The following GABRR1 variants were observed in gnomAD, a reference collection of about 807,000 sequenced individuals.
GABRR1 encodes the protein gamma-aminobutyric acid receptor subunit rho-1.
A neutral mutation model predicts 55.5 loss-of-function variants in GABRR1; 59 were observed. The observed-to-expected ratio is 1.06, with a 90% CI of 0.86 to 1.32. The LOEUF (loss-of-function observed/expected upper bound fraction) is 1.32. Ranked by LOEUF, GABRR1 falls within the 40% of genes most tolerant of loss-of-function variation. GABRR1 has a pLI of 0.00. For synonymous variants in GABRR1, 213 were observed against 226.0 expected (o/e 0.94, Z 0.51); for missense variants, 602 against 619.1 (o/e 0.97, Z 0.29).
In GABRR1 at chr6:89,217,252, CT is replaced by C; in HGVS notation, c.70del (p.Ser24AlafsTer38). 2 of 1,614,066 alleles carry C rather than the reference CT, an allele frequency of 1.2e-6. No homozygotes were observed. Among genetic ancestry groups the C allele is most frequent in the Non-Finnish European group, 8.5e-7 (1 of 1,179,966 alleles). ...LWWGWVLATE[S>X]RMHWPGREVH... ...TTCTCTTCCGGGCCAGTGCATTCTG[CT>C]TTCAGTGGCCAAAACCCATCCCCAC... On this transcript the variant is annotated frameshift_variant, in exon 1 of 10. Coordinates refer to ENST00000454853, the MANE Select transcript of GABRR1 (RefSeq NM_002042.5). LOFTEE classifies it high-confidence loss of function.
At position 89,178,190 on chromosome 6, in the gene GABRR1, C is replaced by G. The variant is rs963358234; in HGVS notation, c.*580G>C. 1 of 153,712 alleles carries G rather than the reference C, an allele frequency of 6.5e-6. No homozygotes were observed. The highest frequency in any genetic ancestry group is 1.4e-5 in the Non-Finnish European group (1 of 69,112). The allele number at this position is 153,712 out of a possible 1,614,324, so 9.5% of individuals were successfully genotyped here. A position where few individuals can be genotyped will look rare whatever the true frequency, so the allele number is the denominator to read the frequency against. On this transcript the variant is annotated 3_prime_UTR_variant, in exon 10 of 10. Coordinates refer to ENST00000454853, the MANE Select transcript of GABRR1 (RefSeq NM_002042.5). Reference sequence around the variant, plus strand: ...GAGCTTTTCTTGTGAAGGGGTAAAGCCTGTGAACCACAGCATATAAAGAAA... The same window carrying G: ...GAGCTTTTCTTGTGAAGGGGTAAAGGCTGTGAACCACAGCATATAAAGAAA...
intron 1 of GABRR1, among the ~76,000 whole-genome samples, chr6:89,205,123 T>C (rs907457677): frequency 6.6e-6 from 1 of 152,148 alleles, no homozygotes; most frequent in Non-Finnish European, 1.5e-5. Context: ...AAAACAACCC[T>C]ATGAAGTAGG....
intron 1 of GABRR1, among the ~76,000 whole-genome samples, chr6:89,214,644 GA>G (rs1183016880): frequency 6.6e-6 from 1 of 152,080 alleles, no homozygotes; most frequent in Non-Finnish European, 1.5e-5. Flanking sequence ...ACAGATATAC[GA>G]AAAAATGCTC....
chr6:89,193,135 G>T (rs183574071), intron 5 of GABRR1, among the ~76,000 whole-genome samples: 4 of 152,318 alleles, frequency 2.6e-5, no homozygotes, highest in South Asian at 2.1e-4. Flanking sequence ...TCCTAGGAAG[G>T]ACAGTGACCT....
chr6:89,193,609 G>C (rs1183936594), intron 5 of GABRR1, among the ~76,000 whole-genome samples: 2 of 152,142 alleles, frequency 1.3e-5, no homozygotes, highest in Non-Finnish European at 2.9e-5. Context: ...TTCGGGAGCT[G>C]ATTGCTAGAT....
intron 1 of GABRR1, among the ~76,000 whole-genome samples, chr6:89,214,002 G>T (rs1026794149): frequency 1.3e-4 from 8 of 63,856 alleles, no homozygotes; most frequent in African/African-American, 5.0e-4. Flanking sequence ...TCTTGGTGAA[G>T]TCTTTAGGGT....
chr6:89,204,077 T>G (rs1025645085), intron 1 of GABRR1, among the ~76,000 whole-genome samples: 1 of 152,224 alleles, frequency 6.6e-6, no homozygotes, highest in Non-Finnish European at 1.5e-5. Flanking sequence ...ATATTTCCCC[T>G]TCTAGTCGAG....
chr6:89,184,247 CAAAAAA>C (rs1164564083), intron 7 of GABRR1, among the ~76,000 whole-genome samples: 1 of 57,140 alleles, frequency 1.8e-5, no homozygotes. Flanking sequence ...GACTCCGTCT[CAAAAAA>C]AAAAAAAAAA....
rs150775662 is a variant in GABRR1 at position 89,198,141 on chromosome 6, T to G, written c.451A>C (p.Lys151Gln). 673 of 1,613,982 alleles carry G rather than the reference T, an allele frequency of 4.2e-4. No individual in the cohort carries two copies. Among genetic ancestry groups the G allele is most frequent in the Non-Finnish European group, 5.3e-4 (626 of 1,180,024 alleles). The change falls in exon 5 of 10, where the codon AAG becomes CAG. Residue 151 changes from lysine to glutamine, a missense_variant. Lys to Gln is a moderately conservative substitution (Grantham distance 53). This residue lies in a region of GABRR1 where 435 missense variants were observed against 424.2 expected (regional missense o/e 1.03). Coordinates refer to ENST00000454853, the MANE Select transcript of GABRR1 (RefSeq NM_002042.5). Reference protein sequence around the residue: ...LSMTFDGRLVKKIWVPDMFFV... With the variant: ...LSMTFDGRLVQKIWVPDMFFV... ...AACATGTCAGGGACCCAGATCTTCTTGACCAGCCGGCCGTCAAACGTCATG... is the reference window on the plus strand; with the variant it reads ...AACATGTCAGGGACCCAGATCTTCTGGACCAGCCGGCCGTCAAACGTCATG...
Position 89,178,705 on chromosome 6 carries a change from T to C in GABRR1, c.*65A>G. 1.4e-6 allele frequency: 2 copies of C among 1,411,698 alleles called. No homozygotes were observed. The highest frequency in any genetic ancestry group is 4.6e-5 in the East Asian group (2 of 43,650). 87.4% of individuals were successfully genotyped at this position (1,411,698 alleles called of 1,614,324 possible). ...TTTTAACCATATCCTTAAATACTTT[T>C]TCATTATACAGTTATTTCTGTAGTG... On this transcript the variant is annotated 3_prime_UTR_variant, in exon 10 of 10. Coordinates refer to ENST00000454853, the MANE Select transcript of GABRR1 (RefSeq NM_002042.5).
chr6:89,204,863 C>T (rs1772594932), intron 1 of GABRR1, among the ~76,000 whole-genome samples: 1 of 152,068 alleles, frequency 6.6e-6, no homozygotes, highest in South Asian at 2.1e-4. Flanking sequence ...TGCCATTCTG[C>T]ATCTGTATTT....
At chr6:89,187,072 AG>A (rs1332771142) in intron 6 of GABRR1, among the ~76,000 whole-genome samples, 2 of 152,118 alleles carry the variant, frequency 1.3e-5, no homozygotes, top group Non-Finnish European at 2.9e-5. Flanking sequence ...TAGGAGTCAC[AG>A]GGGTGTCCAC....
At chr6:89,188,091 A>ACTGCAGC (rs1383048394) in intron 6 of GABRR1, among the ~76,000 whole-genome samples, 1 of 151,366 alleles carries the variant, frequency 6.6e-6, no homozygotes, top group Admixed American at 6.6e-5. Flanking sequence ...ATCATAGCTC[A>ACTGCAGC]CTGCAGCCTG....
At chr6:89,211,764 T>G in intron 1 of GABRR1, among the ~76,000 whole-genome samples, 1 of 152,142 alleles carries the variant, frequency 6.6e-6, no homozygotes, top group South Asian at 2.1e-4. Flanking sequence ...GTTGAAAAAA[T>G]GGGCCTCTTA....
In GABRR1 at chr6:89,178,089, G is replaced by A. The variant is rs905510393; in HGVS notation, c.*681C>T. ...CTATGACACAACAGACAAAATGCATGTGTGTACTCTTATCTTCAAAGTTTC... is the reference window on the plus strand; with the variant it reads ...CTATGACACAACAGACAAAATGCATATGTGTACTCTTATCTTCAAAGTTTC... On this transcript the variant is annotated 3_prime_UTR_variant, in exon 10 of 10. Transcript: ENST00000454853. 6.6e-6 allele frequency: 1 copy of A among 152,406 alleles called. No homozygotes were observed. Among genetic ancestry groups the A allele is most frequent in the Non-Finnish European group, 1.5e-5 (1 of 68,162 alleles). The allele number at this position is 152,406 out of a possible 1,614,324, so 9.4% of individuals were successfully genotyped here.
rs1385094706 is a variant in GABRR1, at chr6:89,203,482, G to C, written c.126C>G (p.Pro42=). The C allele has an allele frequency of 2.5e-6, 4 of 1,611,476 alleles. No individual in the cohort carries two copies. Among genetic ancestry groups the C allele is most frequent in the Non-Finnish European group, 3.4e-6 (4 of 1,177,698 alleles). ...EVHEMSKKGR[P]QRQRREVHED... ...CATGTACTTCTCGTCTTTGTCTTTG[G>C]GGCCTACCATGAACATTAAAAATAA... is the stretch of plus-strand genomic sequence containing the variant. Residue 42 remains proline, a synonymous_variant, in exon 2 of 10, where the codon CCC becomes CCG. Transcript: ENST00000454853.
chr6:89,230,847 C>T (rs1265043521), intron 1 of GABRR1, among the ~76,000 whole-genome samples: 16 of 149,784 alleles, frequency 1.1e-4, no homozygotes, highest in South Asian at 4.3e-4. Context: ...CAATGGCGGG[C>T]ACCCCTCCCC....
At position 89,201,979 on chromosome 6, in the gene GABRR1, C is replaced by T. The variant is rs145712543; in HGVS notation, c.174-714G>A. Among the ~76,000 whole-genome samples the T allele has an allele frequency of 3.3e-5, 5 of 152,198 alleles. No individual in the cohort carries two copies. In the East Asian group the frequency reaches 9.7e-4, roughly 29 times the overall value. On this transcript the variant is annotated intron_variant, in intron 2 of 9. Coordinates refer to ENST00000454853, the MANE Select transcript of GABRR1 (RefSeq NM_002042.5). ...CCTCAGCCTTTTGAGGGGTTTTGAG[C>T]TGGAGGGGAGAGCCAGTGAGTACGG...
At chr6:89,184,672 C>T (rs1053582062) in intron 7 of GABRR1, among the ~76,000 whole-genome samples, 1 of 152,078 alleles carries the variant, frequency 6.6e-6, no homozygotes, top group Non-Finnish European at 1.5e-5. Flanking sequence ...GGAGGGGACT[C>T]GGATCAGCGT....
Sources: gnomAD v4.1 joint callset for allele counts (sites outside exome capture counted in the v4.1 genomes callset) on GRCh38, gnomAD v4.1.1 for gene constraint, gnomAD v4.1.1 regional missense constraint, MANE v1.5 for transcripts, NCBI Gene and HGNC (gene_info 2026-07-23, HGNC 2026-07-21) for gene names.